The following PTPRG variants were observed in gnomAD, a reference collection of about 807,000 sequenced individuals.
PTPRG encodes receptor-type tyrosine-protein phosphatase gamma.
A neutral mutation model predicts 165.3 loss-of-function variants in PTPRG; 102 were observed. The observed-to-expected ratio is 0.62, with a 90% CI of 0.53 to 0.73. The LOEUF is 0.73. PTPRG is among the 30% of genes least tolerant of loss of function. PTPRG has a pLI of 0.00. For synonymous variants in PTPRG, 675 were observed against 669.5 expected (o/e 1.01, Z -0.13); for missense variants, 1,866 against 1,861.4 (o/e 1.00, Z -0.05).
intron 1 of PTPRG, among the ~76,000 whole-genome samples, chr3:61,648,099 T>C (rs932258857): frequency 1.3e-5 from 2 of 152,240 alleles, no homozygotes; most frequent in East Asian, 3.9e-4. Context: ...ATTAAACCAG[T>C]CCTATGCATT....
At chr3:61,647,440 T>A (rs1214435221) in intron 1 of PTPRG, among the ~76,000 whole-genome samples, 1 of 152,164 alleles carries the variant, frequency 6.6e-6, no homozygotes, top group Non-Finnish European at 1.5e-5. Flanking sequence ...CCACATGGTA[T>A]GTGCGATTAA....
intron 2 of PTPRG, among the ~76,000 whole-genome samples, chr3:61,919,759 C>A (rs1315807106): frequency 6.6e-6 from 1 of 152,078 alleles, no homozygotes; most frequent in Non-Finnish European, 1.5e-5. Context: ...ACTGTTCTAC[C>A]TAGCCATAGA....
At chr3:61,715,937 A>C (rs941589713) in intron 1 of PTPRG, among the ~76,000 whole-genome samples, 1 of 152,068 alleles carries the variant, frequency 6.6e-6, no homozygotes, top group East Asian at 1.9e-4. Context: ...TGGATAGATA[A>C]GCAGAGTCAG....
intron 1 of PTPRG, chr3:61,742,878 A>G (rs1575625476): frequency 6.5e-7 from 1 of 1,544,602 alleles, no homozygotes; most frequent in Non-Finnish European, 8.9e-7. Context: ...CCACGGCCTT[A>G]GCCTCGTCAC....
chr3:62,184,665 C>T (rs1034263374), intron 8 of PTPRG, among the ~76,000 whole-genome samples: 4 of 152,162 alleles, frequency 2.6e-5, no homozygotes, highest in Admixed American at 2.6e-4. Context: ...CAGGCATCTC[C>T]CCCACGGTCG....
chr3:61,879,861 G>A lies in PTPRG; in HGVS notation c.191-109764G>A, dbSNP rs1020701985. ...TATATTTTTATCCTAGCTCAGCTCC[G>A]TATGGTGCTTTGTATAAGCCTTTAC... On this transcript the variant is annotated intron_variant, in intron 2 of 29. Coordinates refer to ENST00000474889, the MANE Select transcript of PTPRG (RefSeq NM_002841.4). Among the ~76,000 whole-genome samples the A allele has an allele frequency of 4.1e-4, 63 of 152,136 alleles. 1 individual carries two copies. The highest frequency in any genetic ancestry group is 2.9e-3 in the Admixed American group (45 of 15,264).
chr3:62,275,863 TC>T lies in PTPRG; in HGVS notation c.3466-9del. 6.3e-7 allele frequency: 1 copy of T among 1,589,658 alleles called. No individual in the cohort carries two copies. The highest frequency in any genetic ancestry group is 1.3e-5 in the African/African-American group (1 of 74,084). Reference sequence around the variant, plus strand: ...TTTGAATGAAGACTAAAATGTTTTTTCTTTTTCAGCTGGTCACACAGTGTAA... The same window carrying T: ...TTTGAATGAAGACTAAAATGTTTTTTTTTTTCAGCTGGTCACACAGTGTAA... On this transcript the variant is annotated splice_polypyrimidine_tract_variant and intron_variant, in intron 23 of 29. Coordinates refer to ENST00000474889, the MANE Select transcript of PTPRG (RefSeq NM_002841.4).
At position 61,635,335 on chromosome 3, in the gene PTPRG, T is replaced by TTA. The variant is rs563193679; in HGVS notation, c.85+72973_85+72974dup. Among the ~76,000 whole-genome samples, 23 of 148,364 alleles carry TTA rather than the reference T, an allele frequency of 1.6e-4. No individual in the cohort carries two copies. The East Asian group carries it at 2.7e-3, about 18-fold the overall frequency. ...ACCAATTACCCTATAAAGTATTAAT[T>TTA]TATATATATATTATATATATAAATA... On this transcript the variant is annotated intron_variant, in intron 1 of 29. Coordinates refer to ENST00000474889, the MANE Select transcript of PTPRG (RefSeq NM_002841.4).
intron 3 of PTPRG, among the ~76,000 whole-genome samples, chr3:61,991,394 C>T (rs546789756): frequency 8.7e-4 from 132 of 152,220 alleles, no homozygotes; most frequent in Non-Finnish European, 1.6e-3. Context: ...TTAGTAGAGA[C>T]GGAATTTTGC....
At chr3:61,649,281 A>G (rs1702285520) in intron 1 of PTPRG, among the ~76,000 whole-genome samples, 1 of 152,044 alleles carries the variant, frequency 6.6e-6, no homozygotes, top group South Asian at 2.1e-4. Flanking sequence ...CAGCCTGCTA[A>G]AGTACTAGGA....
At chr3:62,090,401 A>G (rs1262125425) in intron 5 of PTPRG, among the ~76,000 whole-genome samples, 2 of 152,144 alleles carry the variant, frequency 1.3e-5, no homozygotes, top group Non-Finnish European at 2.9e-5. Flanking sequence ...GCAAGCAGCT[A>G]GCTAACACAA....
intron 1 of PTPRG, among the ~76,000 whole-genome samples, chr3:61,579,950 A>AT (rs1226975774): frequency 6.6e-6 from 1 of 152,202 alleles, no homozygotes; most frequent in East Asian, 1.9e-4. Flanking sequence ...GTCTTAGAAG[A>AT]TTTTTTGGAG....
chr3:61,783,424 T>C (rs1347425325), intron 2 of PTPRG, among the ~76,000 whole-genome samples: 1 of 152,142 alleles, frequency 6.6e-6, no homozygotes, highest in Non-Finnish European at 1.5e-5. Flanking sequence ...TCATTGTATT[T>C]AGGGTTGAGT....
intron 2 of PTPRG, among the ~76,000 whole-genome samples, chr3:61,979,102 G>A (rs1248184974): frequency 6.6e-6 from 1 of 152,136 alleles, no homozygotes; most frequent in African/African-American, 2.4e-5. Context: ...AATGGATGAT[G>A]GATTGTTGAT....
intron 2 of PTPRG, among the ~76,000 whole-genome samples, chr3:61,858,224 C>T (rs1171763017): frequency 1.3e-5 from 2 of 152,108 alleles, no homozygotes; most frequent in Non-Finnish European, 2.9e-5. Context: ...AGGAAAGCCA[C>T]AAATACAGAA....
At chr3:62,079,155 G>A (rs1006748886) in intron 5 of PTPRG, among the ~76,000 whole-genome samples, 1 of 152,194 alleles carries the variant, frequency 6.6e-6, no homozygotes, top group Non-Finnish European at 1.5e-5. Flanking sequence ...TGTCATTGAG[G>A]TGGAGCCATT....
intron 4 of PTPRG, among the ~76,000 whole-genome samples, chr3:62,051,118 C>T (rs148964288): frequency 1.2e-3 from 179 of 152,320 alleles, no homozygotes; most frequent in East Asian, 1.2e-3. Context: ...AGGCATGTCT[C>T]CAGGTTTCCT....
At chr3:61,655,596 T>C (rs1444044975) in intron 1 of PTPRG, among the ~76,000 whole-genome samples, 1 of 152,144 alleles carries the variant, frequency 6.6e-6, no homozygotes, top group Non-Finnish European at 1.5e-5. Context: ...ATTTTGGCTC[T>C]TTTACTTTGT....
intron 1 of PTPRG, among the ~76,000 whole-genome samples, chr3:61,630,157 G>T (rs535336566): frequency 6.6e-6 from 1 of 152,316 alleles, no homozygotes; most frequent in Non-Finnish European, 1.5e-5. Context: ...GATATTATTG[G>T]TTCAAAATAA....
Sources: gnomAD v4.1 joint callset for allele counts (sites outside exome capture counted in the v4.1 genomes callset) on GRCh38, gnomAD v4.1.1 for gene constraint, MANE v1.5 for transcripts, NCBI Gene and HGNC (gene_info 2026-07-23, HGNC 2026-07-21) for gene names.